Variants in NRG1 observed in about 807,000 individuals in gnomAD.
NRG1 encodes pro-neuregulin-1, membrane-bound isoform.
A neutral mutation model predicts 63.8 loss-of-function variants in NRG1; 18 were observed. The ratio of observed to expected loss-of-function variants is 0.28; its 90% confidence interval spans 0.19 to 0.42. The LOEUF is 0.42. Among genes scored for constraint, NRG1 ranks in the 10% least tolerant of loss-of-function variants. The pLI is 1.00. For missense variants in NRG1, 762 were observed against 814.7 expected (o/e 0.94, Z 0.79); for synonymous variants, 302 against 301.3 (o/e 1.00, Z -0.02).
intron 1 of NRG1, among the ~76,000 whole-genome samples, chr8:32,586,925 A>G (rs1311087690): frequency 6.6e-6 from 1 of 152,130 alleles, no homozygotes; most frequent in Non-Finnish European, 1.5e-5. Context: ...AGGGCATAGG[A>G]GGTATGGTGG....
At chr8:32,338,912 G>A (rs1803685846) in intron 1 of NRG1, among the ~76,000 whole-genome samples, 1 of 152,012 alleles carries the variant, frequency 6.6e-6, no homozygotes, top group African/African-American at 2.4e-5. Context: ...ATGAGCCCTG[G>A]GGAACTCAAT....
intron 1 of NRG1, chr8:32,063,039 T>C (rs1684952127): frequency 6.6e-6 from 1 of 152,168 alleles, no homozygotes; most frequent in Non-Finnish European, 1.5e-5. Flanking sequence ...TTGGCACTTT[T>C]GTAAACTGTA....
chr8:32,718,144 G>T (rs1819718643), intron 5 of NRG1, among the ~76,000 whole-genome samples: 1 of 152,174 alleles, frequency 6.6e-6, no homozygotes, highest in African/African-American at 2.4e-5. Context: ...ACGTTTTAGT[G>T]TTACCGGTGA....
chr8:32,116,475 T>G (rs997667139), intron 1 of NRG1, among the ~76,000 whole-genome samples: 5 of 152,088 alleles, frequency 3.3e-5, no homozygotes, highest in Non-Finnish European at 5.9e-5. Context: ...ATGAGCTGAT[T>G]AAATATCATG....
chr8:32,714,231 T>G (rs542224164), intron 5 of NRG1, among the ~76,000 whole-genome samples: 109 of 152,258 alleles, frequency 7.2e-4, no homozygotes, highest in African/African-American at 2.2e-3. Context: ...TGAAAATAAT[T>G]GACAAATGAC....
intron 1 of NRG1, among the ~76,000 whole-genome samples, chr8:32,150,303 G>T (rs1837362489): frequency 6.6e-6 from 1 of 152,200 alleles, no homozygotes; most frequent in African/African-American, 2.4e-5. Flanking sequence ...TGTAGCTACA[G>T]GGACAAGAAG....
intron 1 of NRG1, among the ~76,000 whole-genome samples, chr8:32,260,047 C>G (rs1165034169): frequency 6.6e-6 from 1 of 152,178 alleles, no homozygotes; most frequent in Admixed American, 6.6e-5. Context: ...GTACACTTCT[C>G]TGCCCCAACT....
intron 1 of NRG1, among the ~76,000 whole-genome samples, chr8:32,301,530 T>A (rs887452334): frequency 2.6e-5 from 4 of 152,190 alleles, no homozygotes; most frequent in Non-Finnish European, 5.9e-5. Context: ...TAGTCCATTT[T>A]CGTGCTGCTG....
chr8:32,614,466 C>A lies in NRG1; in HGVS notation c.401-48C>A, dbSNP rs188020622. 204 of 1,588,872 alleles carry A rather than the reference C, an allele frequency of 1.3e-4. 1 individual carries two copies. The African/African-American group carries it at 2.3e-3, about 18-fold the overall frequency. ...CAAGGCAGGCTGTGGTACCTGCTCC[C>A]GGCCTCCTGTTTATATATCATAATG... On this transcript the variant is annotated intron_variant, in intron 3 of 11. Coordinates refer to ENST00000356819, the Ensembl canonical transcript of NRG1.
chr8:32,696,664 T>C (rs1444508278), intron 5 of NRG1, among the ~76,000 whole-genome samples: 1 of 148,042 alleles, frequency 6.8e-6, no homozygotes, highest in East Asian at 2.0e-4. Context: ...ATCTTTTTTT[T>C]TTTTTTTTTT....
rs1224758191 is a variant in NRG1 at position 32,474,532 on chromosome 8, C to T, written c.38-121296C>T. ...TTTTTTGGACGGAGTCTCACTCTGC[C>T]GCCAGGCTGGAGGGCAGTGGCACCA... On this transcript the variant is annotated intron_variant, in intron 1 of 10. Coordinates refer to the NRG1 transcript ENST00000519301. 5.2e-4 allele frequency among the ~76,000 whole-genome samples: 79 copies of T among 150,722 alleles called. 1 individual carries two copies. Among genetic ancestry groups the T allele is most frequent in the Non-Finnish European group, 7.4e-5 (5 of 67,806 alleles).
chr8:32,508,298 T>G (rs1309742392), intron 1 of NRG1, among the ~76,000 whole-genome samples: 1 of 150,646 alleles, frequency 6.6e-6, no homozygotes, highest in East Asian at 2.0e-4. Flanking sequence ...AAGGGCCATT[T>G]TTTTTTTTTT....
At chr8:32,477,274 C>T (rs1204771512) in intron 1 of NRG1, among the ~76,000 whole-genome samples, 3 of 152,148 alleles carry the variant, frequency 2.0e-5, no homozygotes, top group South Asian at 4.1e-4. Context: ...CAGAGGTCAG[C>T]GGCCACCACT....
chr8:32,150,737 G>A (rs1481761), intron 1 of NRG1, among the ~76,000 whole-genome samples: 67,018 of 152,008 alleles, frequency 0.44, 16,764 homozygotes, highest in Admixed American at 0.57. Context: ...GTGCCTTTGA[G>A]GCTATAAAGG....
intron 1 of NRG1, among the ~76,000 whole-genome samples, chr8:31,918,614 T>C (rs1029224708): frequency 2.0e-5 from 3 of 152,194 alleles, no homozygotes; most frequent in Non-Finnish European, 2.9e-5. Flanking sequence ...CAGTATTTTA[T>C]TGAGGATTTT....
intron 5 of NRG1, among the ~76,000 whole-genome samples, chr8:32,703,970 C>G (rs556681448): frequency 9.2e-5 from 14 of 152,258 alleles, no homozygotes; most frequent in African/African-American, 3.4e-4. Flanking sequence ...ATTTCAGATA[C>G]CATCAGCAAA....
At chr8:31,665,557 A>G (rs1470520882) in intron 1 of NRG1, among the ~76,000 whole-genome samples, 1 of 152,198 alleles carries the variant, frequency 6.6e-6, no homozygotes, top group Admixed American at 6.5e-5. Flanking sequence ...TGCAAAAGGA[A>G]TGATTTTGTA....
intron 1 of NRG1, among the ~76,000 whole-genome samples, chr8:32,465,368 CA>C (rs1822923242): frequency 6.6e-6 from 1 of 152,166 alleles, no homozygotes; most frequent in African/African-American, 2.4e-5. Flanking sequence ...TTCATAGGAA[CA>C]GGGTCTCCTG....
At chr8:32,204,006 T>G (rs1436049378) in intron 1 of NRG1, among the ~76,000 whole-genome samples, 4 of 152,114 alleles carry the variant, frequency 2.6e-5, no homozygotes, top group Non-Finnish European at 5.9e-5. Context: ...TGAAATATCT[T>G]TAGTAAAGAT....
Sources: allele counts gnomAD v4.1 joint callset (sites outside exome capture counted in the v4.1 genomes callset), GRCh38; gene constraint gnomAD v4.1.1; transcripts MANE v1.5; gene names NCBI Gene and HGNC (gene_info 2026-07-23, HGNC 2026-07-21).